Variants in ADGRL2 observed in about 807,000 individuals in gnomAD.
ADGRL2 encodes the protein adhesion G protein-coupled receptor L2, also known as calcium-independent alpha-latrotoxin receptor 2.
In ADGRL2, 44 loss-of-function variants were observed where a neutral mutation model predicts 157.4. The observed-to-expected ratio is 0.28, with a 90% CI of 0.22 to 0.36. ADGRL2 has a LOEUF of 0.36. ADGRL2 is among the 10% of genes least tolerant of loss of function. The pLI, the probability that ADGRL2 is intolerant of heterozygous loss-of-function variation, is 1.00. For missense variants in ADGRL2, 1,510 were observed against 1,768.9 expected, an observed-to-expected ratio of 0.85 and a Z score of 2.63; for synonymous variants, 585 against 624.7, an observed-to-expected ratio of 0.94 and a Z score of 0.95.
chr1:81,918,889 TC>T (rs2094918190), intron 3 of ADGRL2, among the ~76,000 whole-genome samples: 2 of 152,272 alleles, frequency 1.3e-5, no homozygotes, highest in Admixed American at 6.5e-5. Flanking sequence ...TCTTGTGATT[TC>T]TTTTTCTAAA....
chr1:81,519,672 C>A (rs535621021), intron 2 of ADGRL2, among the ~76,000 whole-genome samples: 1 of 152,168 alleles, frequency 6.6e-6, no homozygotes, highest in African/African-American at 2.4e-5. Context: ...CAAATGGCAT[C>A]TCTTTTGATT....
intron 1 of ADGRL2, among the ~76,000 whole-genome samples, chr1:81,424,652 T>C (rs528765209): frequency 2.0e-3 from 306 of 152,368 alleles, no homozygotes; most frequent in Non-Finnish European, 3.2e-3. Context: ...TTTTTAATCT[T>C]CATGATAGAC....
chr1:81,781,349 A>G lies in ADGRL2; in HGVS notation c.-101+19497A>G, dbSNP rs74095917. ...AGTGACAAGGGTGTAGCTGAAGTTT[A>G]ATTCTGCCCCCTATCTTGCTTTAAT... On this transcript the variant is annotated intron_variant, in intron 2 of 20. Coordinates refer to the ADGRL2 transcript ENST00000359929. Among the ~76,000 whole-genome samples the G allele has an allele frequency of 9.3e-3, 1,423 of 152,232 alleles. 28 individuals carry two copies. The highest frequency in any genetic ancestry group is 0.032 in the African/African-American group (1,319 of 41,534).
chr1:81,360,998 C>CT lies in ADGRL2; in HGVS notation c.-302+54490dup, dbSNP rs2075968322. Among the ~76,000 whole-genome samples, 3 of 151,958 alleles carry CT rather than the reference C, an allele frequency of 2.0e-5. No individual in the cohort carries two copies. The South Asian group carries it at 6.2e-4, about 32-fold the overall frequency. ...GAGAAATGAAAATGATAAGAGGAAA[C>CT]TCCCCTCTCCCAGCCCCCATAAGAA... On this transcript the variant is annotated intron_variant, in intron 1 of 24. Coordinates refer to the ADGRL2 transcript ENST00000370721.
intron 3 of ADGRL2, among the ~76,000 whole-genome samples, chr1:81,616,664 C>CTGTTCTTTTA (rs2081655206): frequency 9.1e-6 from 1 of 110,490 alleles, no homozygotes; most frequent in African/African-American, 3.7e-5. Flanking sequence ...TTTTTCTTTT[C>CTGTTCTTTTA]TTTTCTTTTC....
chr1:81,834,022 A>T (rs2092125582), intron 1 of ADGRL2, among the ~76,000 whole-genome samples: 1 of 152,196 alleles, frequency 6.6e-6, no homozygotes, highest in African/African-American at 2.4e-5. Context: ...CAGAGGTGGG[A>T]GTAGGTTGTA....
chr1:81,737,626 T>G (rs190600302), intron 1 of ADGRL2, among the ~76,000 whole-genome samples: 1 of 152,338 alleles, frequency 6.6e-6, no homozygotes, highest in East Asian at 1.9e-4. Flanking sequence ...GGGAATATTC[T>G]TATGGCTTAG....
chr1:81,479,110 G>T (rs2078331335), intron 2 of ADGRL2, among the ~76,000 whole-genome samples: 1 of 152,046 alleles, frequency 6.6e-6, no homozygotes, highest in African/African-American at 2.4e-5. Flanking sequence ...TAACCAATTT[G>T]TATATCTCTT....
At chr1:81,842,375 T>TTTTTTAA (rs1380656471) in intron 2 of ADGRL2, among the ~76,000 whole-genome samples, 4 of 139,332 alleles carry the variant, frequency 2.9e-5, no homozygotes, top group African/African-American at 1.2e-4. Flanking sequence ...TTTTTTTTTT[T>TTTTTTAA]AAGATGGAGT....
At chr1:81,634,286 G>T (rs148913709) in intron 3 of ADGRL2, among the ~76,000 whole-genome samples, 28 of 152,122 alleles carry the variant, frequency 1.8e-4, no homozygotes, top group African/African-American at 6.3e-4. Context: ...CTCTCATTAG[G>T]CCTCTTTATG....
At chr1:81,642,823 G>GA (rs1408241928) in intron 3 of ADGRL2, among the ~76,000 whole-genome samples, 1 of 152,068 alleles carries the variant, frequency 6.6e-6, no homozygotes, top group Non-Finnish European at 1.5e-5. Context: ...GGGTTAAGAA[G>GA]AAAAATCCCA....
chr1:81,481,005 G>A (rs532553257), intron 2 of ADGRL2, among the ~76,000 whole-genome samples: 6 of 152,198 alleles, frequency 3.9e-5, no homozygotes, highest in East Asian at 1.9e-4. Context: ...AAAATTAGTC[G>A]TTATCAATAA....
At chr1:81,981,537 A>T (rs1224474316) in intron 18 of ADGRL2, among the ~76,000 whole-genome samples, 1 of 152,000 alleles carries the variant, frequency 6.6e-6, no homozygotes, top group East Asian at 1.9e-4. Context: ...CATAGGGGAT[A>T]TGTTACACGT....
chr1:81,589,181 G>A (rs2081084327), intron 3 of ADGRL2, among the ~76,000 whole-genome samples: 1 of 152,154 alleles, frequency 6.6e-6, no homozygotes, highest in South Asian at 2.1e-4. Context: ...CTAGCATGTG[G>A]TAGGACCAAT....
At chr1:81,786,522 G>A (rs1163172427) in intron 2 of ADGRL2, among the ~76,000 whole-genome samples, 1 of 152,198 alleles carries the variant, frequency 6.6e-6, no homozygotes, top group Non-Finnish European at 1.5e-5. Flanking sequence ...GTTGCAGTGA[G>A]CCAAGATCGT....
At chr1:81,600,234 C>A (rs1439646669) in intron 3 of ADGRL2, among the ~76,000 whole-genome samples, 1 of 152,190 alleles carries the variant, frequency 6.6e-6, no homozygotes, top group Non-Finnish European at 1.5e-5. Context: ...GTAAAGACTG[C>A]CAGACCAAAT....
At chr1:81,650,876 T>C (rs2148838789) in intron 3 of ADGRL2, among the ~76,000 whole-genome samples, 1 of 152,288 alleles carries the variant, frequency 6.6e-6, no homozygotes, top group East Asian at 1.9e-4. Context: ...GTGGAGAGTA[T>C]ATTTGTTTAG....
chr1:81,767,235 C>T (rs981804011), intron 2 of ADGRL2, among the ~76,000 whole-genome samples: 9 of 152,092 alleles, frequency 5.9e-5, no homozygotes, highest in African/African-American at 1.7e-4. Flanking sequence ...CTTCCTTTAA[C>T]ATTAATGCAT....
intron 1 of ADGRL2, among the ~76,000 whole-genome samples, chr1:81,323,913 A>G (rs908347349): frequency 6.6e-6 from 1 of 152,196 alleles, no homozygotes; most frequent in Non-Finnish European, 1.5e-5. Flanking sequence ...GCAAAGAATC[A>G]AGAGAGAATG....
Sources: gnomAD v4.1 joint callset for allele counts (sites outside exome capture counted in the v4.1 genomes callset) on GRCh38, gnomAD v4.1.1 for gene constraint, MANE v1.5 for transcripts, NCBI Gene and HGNC (gene_info 2026-07-23, HGNC 2026-07-21) for gene names.